Variants in NECTIN1 observed in about 807,000 individuals in gnomAD.
The protein encoded by NECTIN1 is nectin cell adhesion molecule 1.
Under a neutral mutation model 48.0 loss-of-function variants are expected in NECTIN1, and 23 were observed. The ratio of observed to expected loss-of-function variants is 0.48; its 90% confidence interval spans 0.34 to 0.68. NECTIN1 has a LOEUF of 0.68. Ranked by LOEUF, NECTIN1 falls within the 30% of genes least tolerant of loss-of-function variation. NECTIN1 has a pLI of 0.01. For missense variants in NECTIN1, 591 were observed against 709.9 expected, an observed-to-expected ratio of 0.83 and a Z score of 1.90; for synonymous variants, 270 against 288.9, an observed-to-expected ratio of 0.93 and a Z score of 0.66.
At chr11:119,714,968 G>C (rs548726567) in intron 1 of NECTIN1, among the ~76,000 whole-genome samples, 1 of 152,114 alleles carries the variant, frequency 6.6e-6, no homozygotes, top group Admixed American at 6.5e-5. Context: ...GTGAGACGGG[G>C]GCCGAGGCTG....
intron 1 of NECTIN1, among the ~76,000 whole-genome samples, chr11:119,723,579 T>C (rs1361401284): frequency 6.6e-6 from 1 of 152,184 alleles, no homozygotes; most frequent in Admixed American, 6.5e-5. Flanking sequence ...GATTCTACAA[T>C]CTGCTGTCAG....
intron 1 of NECTIN1, among the ~76,000 whole-genome samples, chr11:119,716,134 T>C (rs1865739691): frequency 6.6e-6 from 1 of 152,156 alleles, no homozygotes; most frequent in Non-Finnish European, 1.5e-5. Context: ...GCCCAGGTGA[T>C]CATCTGGGTT....
chr11:119,692,411 ATGTGTG>A (rs60998928), intron 1 of NECTIN1, among the ~76,000 whole-genome samples: 3 of 142,452 alleles, frequency 2.1e-5, no homozygotes, highest in Non-Finnish European at 3.1e-5. Flanking sequence ...TGTGGCAGTG[ATGTGTG>A]TGTGTGTGTG....
chr11:119,661,379 C>T lies in NECTIN1; in HGVS notation c.*3368G>A. 5 of 986,456 alleles carry T rather than the reference C, an allele frequency of 5.1e-6. No homozygotes were observed. The highest frequency in any genetic ancestry group is 6.0e-6 in the Non-Finnish European group (5 of 830,428). 61.1% of individuals were successfully genotyped at this position (986,456 alleles called of 1,614,324 possible). ...GCAGCAGTGGCAGCAGCAGAGGGGC[C>T]TGCCTCCTGGCATCCCCGGTACTGG... On this transcript the variant is annotated 3_prime_UTR_variant, in exon 6 of 6. Coordinates refer to ENST00000264025, the MANE Select transcript of NECTIN1 (RefSeq NM_002855.5).
Position 119,677,476 on chromosome 11 carries a change from G to A in NECTIN1, c.733+79C>T. On this transcript the variant is annotated intron_variant, in intron 3 of 5. Transcript: ENST00000264025. The surrounding 1 kb of genome is among the most constrained non-coding windows in gnomAD (Gnocchi z 5.4). ...AAGAAAGCACCCCCAGAAAGAGAAA[G>A]GGAGGAGAAAGGAGAGGAGGAGGGA... is the stretch of plus-strand genomic sequence containing the variant. 1 of 1,498,362 alleles carries A rather than the reference G, an allele frequency of 6.7e-7. No homozygotes were observed. The highest frequency in any genetic ancestry group is 9.3e-7 in the Non-Finnish European group (1 of 1,077,768). 92.8% of individuals were successfully genotyped at this position (1,498,362 alleles called of 1,614,324 possible).
Position 119,648,300 on chromosome 11 carries a change from G to GAT in NECTIN1, c.1004-8289_1004-8288insAT, listed in dbSNP as rs1864433125. Among the ~76,000 whole-genome samples the GAT allele has an allele frequency of 4.1e-5, 3 of 73,584 alleles. 1 individual carries two copies. Among genetic ancestry groups the GAT allele is most frequent in the African/African-American group, 1.1e-4 (2 of 18,964 alleles). The allele number at this position is 73,584 out of a possible 152,430, so 48.3% of individuals were successfully genotyped here. A position where few individuals can be genotyped will look rare whatever the true frequency, so the allele number is the denominator to read the frequency against. On this transcript the variant is annotated intron_variant, in intron 5 of 7. Coordinates refer to the NECTIN1 transcript ENST00000341398. ...TGATGGTGGTGGTGATGGTGGTGGT[G>GAT]GTGGTGATGGTGGTGATGGTGATGG...
At chr11:119,669,990 T>C (rs1168375222) in intron 5 of NECTIN1, among the ~76,000 whole-genome samples, 1 of 151,612 alleles carries the variant, frequency 6.6e-6, no homozygotes, top group Non-Finnish European at 1.5e-5. Context: ...GACGGAGTCT[T>C]GCTCTGTCGC....
At chr11:119,728,380 T>G (rs1407428055) in intron 1 of NECTIN1, 95 bp downstream of exon 1, 2 of 1,267,226 alleles carry the variant, frequency 1.6e-6, no homozygotes, top group Non-Finnish European at 2.2e-6. Context: ...TCTGGCTCCT[T>G]TCACTCCCCA....
At chr11:119,717,949 T>A (rs2134342000) in intron 1 of NECTIN1, among the ~76,000 whole-genome samples, 1 of 152,360 alleles carries the variant, frequency 6.6e-6, no homozygotes, top group Non-Finnish European at 1.5e-5. Context: ...CTGGCTTGTG[T>A]CTGGGCCACA....
chr11:119,683,566 G>T lies in NECTIN1; in HGVS notation c.80-4801C>A, dbSNP rs1230689762. On this transcript the variant is annotated intron_variant, in intron 1 of 5. Transcript: ENST00000264025. The surrounding 1 kb of genome is among the most constrained non-coding windows in gnomAD (Gnocchi z 4.0). ...ATAGGTCAGAAACAGGGGCTTTGGG[G>T]ATCCCGGGTGTGTGTGTGTGTGTGT... Among the ~76,000 whole-genome samples, 4 of 140,428 alleles carry T rather than the reference G, an allele frequency of 2.8e-5. No homozygotes were observed. The highest frequency in any genetic ancestry group is 6.2e-5 in the Non-Finnish European group (4 of 64,758). 92.1% of individuals were successfully genotyped at this position (140,428 alleles called of 152,430 possible).
intron 4 of NECTIN1, chr11:119,676,893 C>T (rs959824238): frequency 1.3e-5 from 8 of 611,160 alleles, no homozygotes; most frequent in South Asian, 7.5e-5. Flanking sequence ...ATAGCTTGTT[C>T]CATTGACCTT....
chr11:119,708,228 C>T (rs1591480447), intron 1 of NECTIN1, among the ~76,000 whole-genome samples: 1 of 151,782 alleles, frequency 6.6e-6, no homozygotes, highest in African/African-American at 2.4e-5. Flanking sequence ...CAGAGACAGA[C>T]AGAGAGAGGG....
intron 1 of NECTIN1, among the ~76,000 whole-genome samples, chr11:119,681,621 G>A (rs766430204): frequency 5.9e-5 from 9 of 152,122 alleles, no homozygotes; most frequent in Non-Finnish European, 1.0e-4. Flanking sequence ...CAAGGTGGCC[G>A]GGCACCCCAG....
At chr11:119,692,580 A>G (rs973320899) in intron 1 of NECTIN1, among the ~76,000 whole-genome samples, 1 of 152,274 alleles carries the variant, frequency 6.6e-6, no homozygotes, top group Non-Finnish European at 1.5e-5. Flanking sequence ...CAAAAGGGTC[A>G]GGTTCCCTGC....
At chr11:119,708,048 C>A (rs577651332) in intron 1 of NECTIN1, among the ~76,000 whole-genome samples, 1 of 152,318 alleles carries the variant, frequency 6.6e-6, no homozygotes, top group East Asian at 1.9e-4. Context: ...GAGTGATAAA[C>A]GCAGTTTTTG....
chr11:119,669,204 G>A (rs1283232301), intron 5 of NECTIN1, among the ~76,000 whole-genome samples: 1 of 152,180 alleles, frequency 6.6e-6, no homozygotes, highest in East Asian at 1.9e-4. Flanking sequence ...CTAAGGTCAG[G>A]AGTTCAAGAC....
rs1565382811 is a variant in NECTIN1 at position 119,665,026 on chromosome 11, CTCG to C, written c.1272_1274del (p.Asp424del). The C allele has an allele frequency of 1.2e-6, 2 of 1,613,878 alleles. No homozygotes were observed. Among genetic ancestry groups the C allele is most frequent in the East Asian group, 2.2e-5 (1 of 44,876 alleles). On this transcript the variant is annotated inframe_deletion, in exon 6 of 6. Coordinates refer to ENST00000264025, the MANE Select transcript of NECTIN1 (RefSeq NM_002855.5). This position sits in a 1 kb window ranked among gnomAD's most constrained non-coding sequence, Gnocchi z 5.1. ...TTCCACCCAGTGGGCCGGCCTTCTT[CTCG>C]TCGTCTGAGTCGTCGGGGTACTGCA...
chr11:119,713,892 G>A (rs1249659061), intron 1 of NECTIN1: 1 of 455,966 alleles, frequency 2.2e-6, no homozygotes, highest in South Asian at 1.5e-5. Flanking sequence ...GATGTCTGAT[G>A]CCAGGGGGGT....
In NECTIN1 at chr11:119,664,358, A is replaced by C. The variant is rs958479952; in HGVS notation, c.*389T>G. 3 of 1,036,776 alleles carry C rather than the reference A, an allele frequency of 2.9e-6. No individual in the cohort carries two copies. Among genetic ancestry groups the C allele is most frequent in the Non-Finnish European group, 3.5e-6 (3 of 861,704 alleles). The allele number at this position is 1,036,776 out of a possible 1,614,324, so 64.2% of individuals were successfully genotyped here. A position where few individuals can be genotyped will look rare whatever the true frequency, so the allele number is the denominator to read the frequency against. On this transcript the variant is annotated 3_prime_UTR_variant, in exon 6 of 6. Coordinates refer to ENST00000264025, the MANE Select transcript of NECTIN1 (RefSeq NM_002855.5). The stretch of plus-strand genomic sequence containing the variant: ...AGAGCCCCTTGAGCCCTCCACCCCC[A>C]GTGAAGAAACACAAACAAATTCCAG...
Sources: gnomAD v4.1 joint callset for allele counts (sites outside exome capture counted in the v4.1 genomes callset) on GRCh38, gnomAD v4.1.1 for gene constraint, Gnocchi (gnomAD v3.1) non-coding constraint, MANE v1.5 for transcripts, NCBI Gene and HGNC (gene_info 2026-07-23, HGNC 2026-07-21) for gene names.